SNX16: variants seen among roughly 807,000 people sequenced by gnomAD.
SNX16 encodes sorting nexin-16.
Under a neutral mutation model 36.7 loss-of-function variants are expected in SNX16, and 35 were observed. The ratio of observed to expected loss-of-function variants is 0.95; its 90% CI spans 0.73 to 1.27. SNX16 has a LOEUF of 1.27. Ranked by LOEUF, SNX16 falls within the 50% of genes most tolerant of loss-of-function variation. The probability of loss-of-function intolerance (pLI) is 0.00; values close to 1 mark genes in which losing one functional copy is unlikely to be tolerated. For synonymous variants in SNX16, 134 were observed against 132.0 expected, an observed-to-expected ratio of 1.02 and a Z score of -0.10; for missense variants, 367 against 393.6, an observed-to-expected ratio of 0.93 and a Z score of 0.57.
intron 5 of SNX16, chr8:81,815,026 T>C (rs1810417625): frequency 5.9e-6 from 1 of 169,352 alleles, no homozygotes; most frequent in Admixed American, 5.9e-5. Context: ...CACATAGTAT[T>C]ATTAAATATA....
chr8:81,840,013 GCA>G lies in SNX16; in HGVS notation c.-29_-28del. 6.4e-7 allele frequency: 1 copy of G among 1,559,882 alleles called. No individual in the cohort carries two copies. Among genetic ancestry groups the G allele is most frequent in the Non-Finnish European group, 8.6e-7 (1 of 1,157,186 alleles). On this transcript the variant is annotated 5_prime_UTR_variant, in exon 2 of 8. Transcript: ENST00000345957. ...TTCTTTTGGCTTTTCCAACAAGCTT[GCA>G]CACTGTTGAGTCCACTTAGAGAACA...
intron 4 of SNX16, among the ~76,000 whole-genome samples, chr8:81,822,043 A>G (rs1378228317): frequency 6.6e-6 from 1 of 152,094 alleles, no homozygotes; most frequent in Non-Finnish European, 1.5e-5. Flanking sequence ...TCATCTTAGA[A>G]TATAGGAAAT....
Position 81,800,503 on chromosome 8 carries a change from C to A in SNX16, c.*994G>T, listed in dbSNP as rs928033790. ...AAAAATCCACCAATTAAACTTGGCA[C>A]AAAAGAGTTTAATTATCATAAAGTG... is the stretch of plus-strand genomic sequence containing the variant. On this transcript the variant is annotated 3_prime_UTR_variant, in exon 8 of 8. Coordinates refer to ENST00000345957, the MANE Select transcript of SNX16 (RefSeq NM_152836.3). 9 of 151,986 alleles carry A rather than the reference C, an allele frequency of 5.9e-5. No homozygotes were observed. The highest frequency in any genetic ancestry group is 1.9e-4 in the African/African-American group (8 of 41,332). The allele number at this position is 151,986 out of a possible 1,614,324, so 9.4% of individuals were successfully genotyped here.
intron 4 of SNX16, among the ~76,000 whole-genome samples, chr8:81,822,454 A>G (rs913159090): frequency 1.3e-5 from 2 of 152,098 alleles, no homozygotes; most frequent in South Asian, 2.1e-4. Context: ...ACCAGAAAGA[A>G]TAAGTCAAAC....
intron 2 of SNX16, among the ~76,000 whole-genome samples, chr8:81,836,824 CT>C (rs1286207127): frequency 7.2e-5 from 11 of 152,176 alleles, no homozygotes; most frequent in African/African-American, 2.7e-4. Context: ...CATGACTCTT[CT>C]TTTAAAAACC....
chr8:81,839,969 G>T lies in SNX16; in HGVS notation c.18C>A (p.Val6=), dbSNP rs754368795. The change falls in exon 2 of 8, where the codon GTC becomes GTA. Residue 6 remains valine (V), a synonymous_variant. Transcript: ENST00000345957. The part of the protein sequence containing the change: MATPY[V]PVPMPIGNSA... Reference sequence around the variant, plus strand: ...AGTTTCCTATGGGCATAGGAACTGGGACATAAGGAGTTGCCATCTTCTTTT... The same window carrying T: ...AGTTTCCTATGGGCATAGGAACTGGTACATAAGGAGTTGCCATCTTCTTTT... 2 of 1,606,302 alleles carry T rather than the reference G, an allele frequency of 1.2e-6. No individual in the cohort carries two copies. Among genetic ancestry groups the T allele is most frequent in the East Asian group, 4.5e-5 (2 of 44,812 alleles).
intron 4 of SNX16, among the ~76,000 whole-genome samples, chr8:81,821,576 G>A (rs1423597452): frequency 6.6e-6 from 1 of 151,718 alleles, no homozygotes; most frequent in Non-Finnish European, 1.5e-5. Context: ...TGCTTTGTGT[G>A]TCTGAATTAA....
intron 1 of SNX16, 44 bp from the exon 2 acceptor site, chr8:81,840,126 C>T (rs1028385988): frequency 5.4e-6 from 5 of 922,780 alleles, no homozygotes; most frequent in Non-Finnish European, 6.4e-6. Context: ...CTTTAATGTG[C>T]AGCAGGATTC....
chr8:81,840,085 A>C lies in SNX16; in HGVS notation c.-96-3T>G. The C allele has an allele frequency of 2.9e-6, 4 of 1,367,322 alleles. No homozygotes were observed. The highest frequency in any genetic ancestry group is 3.9e-6 in the Non-Finnish European group (4 of 1,014,888). The allele number at this position is 1,367,322 out of a possible 1,614,324, so 84.7% of individuals were successfully genotyped here. ...TTTTCTTCTTAGGAATTCACTATCT[A>C]AAAATGAAAAGGACATATTAAAAGG... On this transcript the variant is annotated splice_region_variant and splice_polypyrimidine_tract_variant and intron_variant, in intron 1 of 7. Coordinates refer to ENST00000345957, the MANE Select transcript of SNX16 (RefSeq NM_152836.3).
intron 4 of SNX16, among the ~76,000 whole-genome samples, chr8:81,821,427 C>T (rs561177167): frequency 4.0e-5 from 6 of 150,906 alleles, no homozygotes; most frequent in South Asian, 2.1e-4. Context: ...AAAGGTTTAC[C>T]GAACAAGGGA....
At chr8:81,832,428 G>C (rs1290293406) in intron 2 of SNX16, among the ~76,000 whole-genome samples, 1 of 152,126 alleles carries the variant, frequency 6.6e-6, no homozygotes, top group East Asian at 1.9e-4. Context: ...GAAGGATGAA[G>C]GGGGGAAGGA....
intron 1 of SNX16, among the ~76,000 whole-genome samples, chr8:81,841,132 G>A (rs1811746015): frequency 6.6e-6 from 1 of 152,172 alleles, no homozygotes; most frequent in African/African-American, 2.4e-5. Flanking sequence ...CCTGAGGTCA[G>A]GAGTTCGAGG....
At chr8:81,821,896 T>G (rs774465) in intron 4 of SNX16, among the ~76,000 whole-genome samples, 37,720 of 151,934 alleles carry the variant, frequency 0.25, 5,229 homozygotes, top group East Asian at 0.37. Context: ...TTGACAGAAA[T>G]AATTATAAGC....
chr8:81,820,875 A>G (rs1213771476), intron 4 of SNX16, among the ~76,000 whole-genome samples: 3 of 151,736 alleles, frequency 2.0e-5, no homozygotes, highest in African/African-American at 7.3e-5. Flanking sequence ...GGGCAAATGC[A>G]TAAGATTTGC....
intron 2 of SNX16, among the ~76,000 whole-genome samples, chr8:81,830,579 T>TAA (rs752827905): frequency 4.4e-5 from 4 of 90,182 alleles, no homozygotes; most frequent in African/African-American, 8.8e-5. Flanking sequence ...GTCTAGGGGG[T>TAA]AAAAAAAAAA....
At chr8:81,822,250 C>T (rs755160316) in intron 4 of SNX16, among the ~76,000 whole-genome samples, 6 of 151,822 alleles carry the variant, frequency 4.0e-5, no homozygotes, top group East Asian at 1.9e-4. Context: ...GGGTAAGGTA[C>T]GAGGTCAGGG....
At position 81,800,700 on chromosome 8, in the gene SNX16, T is replaced by TATA. The variant is rs1234082366; in HGVS notation, c.*794_*796dup. 2 of 152,226 alleles carry TATA rather than the reference T, an allele frequency of 1.3e-5. No homozygotes were observed. Among genetic ancestry groups the TATA allele is most frequent in the Non-Finnish European group, 3.0e-5 (2 of 67,674 alleles). 9.4% of individuals were successfully genotyped at this position (152,226 alleles called of 1,614,324 possible). On this transcript the variant is annotated 3_prime_UTR_variant, in exon 8 of 8. Coordinates refer to ENST00000345957, the MANE Select transcript of SNX16 (RefSeq NM_152836.3). ...TATAAGCCCCTATTTATTTAGAATC[T>TATA]ATATTTTCGAAAGAATATGCCTTAA...
intron 2 of SNX16, among the ~76,000 whole-genome samples, chr8:81,834,955 C>T (rs1021085607): frequency 1.1e-4 from 17 of 152,194 alleles, no homozygotes; most frequent in Admixed American, 6.5e-4. Context: ...GGGCTCTGAC[C>T]CCACATTTCC....
chr8:81,835,317 G>T (rs1478764911), intron 2 of SNX16, among the ~76,000 whole-genome samples: 1 of 152,178 alleles, frequency 6.6e-6, no homozygotes, highest in Admixed American at 6.5e-5. Flanking sequence ...GTGATGGGAG[G>T]GGCTGCCATG....
Sources: allele counts gnomAD v4.1 joint callset (sites outside exome capture counted in the v4.1 genomes callset), GRCh38; gene constraint gnomAD v4.1.1; transcripts MANE v1.5; gene names NCBI Gene and HGNC (gene_info 2026-07-23, HGNC 2026-07-21).